Variants in PRTG observed in about 807,000 individuals in gnomAD.
PRTG encodes immunoglobulin superfamily, DCC subclass, member 5.
Under a neutral mutation model 122.5 loss-of-function variants are expected in PRTG, and 67 were observed. The ratio of observed to expected loss-of-function variants is 0.55; its 90% CI spans 0.45 to 0.67. The LOEUF is 0.67. PRTG is among the 30% of genes least tolerant of loss of function. PRTG has a pLI of 0.00. For missense variants in PRTG, 1,435 were observed against 1,415.4 expected (o/e 1.01, Z -0.22); for synonymous variants, 554 against 501.1 (o/e 1.11, Z -1.41).
chr15:55,673,307 G>T, intron 10 of PRTG, 64 bp downstream of exon 10: 1 of 1,112,928 alleles, frequency 9.0e-7, no homozygotes, highest in Non-Finnish European at 1.3e-6. Context: ...ACATAATTTA[G>T]AGAAGAAAAA....
chr15:55,710,682 A>G, intron 2 of PRTG, among the ~76,000 whole-genome samples: 1 of 151,466 alleles, frequency 6.6e-6, no homozygotes, highest in Non-Finnish European at 1.5e-5. Context: ...TACCTCTAAA[A>G]GCCTTCTCTA....
At chr15:55,636,588 G>C (rs1379056874) in intron 15 of PRTG, among the ~76,000 whole-genome samples, 5 of 151,844 alleles carry the variant, frequency 3.3e-5, no homozygotes, top group Admixed American at 3.3e-4. Flanking sequence ...GACGACTACG[G>C]TAATTTCCTA....
intron 4 of PRTG, 40 bp downstream of exon 4, chr15:55,682,324 T>A: frequency 2.0e-6 from 3 of 1,486,168 alleles, no homozygotes; most frequent in Non-Finnish European, 9.0e-7. Context: ...ACTGCGCCAA[T>A]AAAACGTCAT....
intron 18 of PRTG, among the ~76,000 whole-genome samples, chr15:55,621,782 A>C (rs1016833423): frequency 3.3e-5 from 5 of 152,226 alleles, no homozygotes; most frequent in South Asian, 2.1e-4. Flanking sequence ...AAAACACATT[A>C]AGATACATAT....
At chr15:55,675,483 T>C (rs746140950) in intron 9 of PRTG, 36 bp downstream of exon 9, 14 of 1,444,900 alleles carry the variant, frequency 9.7e-6, no homozygotes, top group Non-Finnish European at 3.8e-6. Flanking sequence ...CATACGAATG[T>C]TCATACTGAA....
chr15:55,647,913 A>G (rs1207397091), intron 11 of PRTG, among the ~76,000 whole-genome samples: 1 of 152,178 alleles, frequency 6.6e-6, no homozygotes, highest in African/African-American at 2.4e-5. Flanking sequence ...AAGGTTCCCA[A>G]GTGTGTGTTG....
rs192081728 is a variant in PRTG, at chr15:55,676,401, T to C, written c.1382-718A>G. Among the ~76,000 whole-genome samples, 70 of 152,252 alleles carry C rather than the reference T, an allele frequency of 4.6e-4. 1 individual carries two copies. In the East Asian group the frequency reaches 6.0e-3, roughly 13 times the overall value. ...AAACCTGTAAAGTGGAACAAGAGCA[T>C]TGGCAGCCACTGTGCTTTGCTAACA... On this transcript the variant is annotated intron_variant, in intron 8 of 19. Transcript: ENST00000389286.
At chr15:55,658,313 T>C (rs6493804) in intron 11 of PRTG, among the ~76,000 whole-genome samples, 1 of 151,536 alleles carries the variant, frequency 6.6e-6, no homozygotes, top group Non-Finnish European at 1.5e-5. Context: ...CATTATTGTT[T>C]TTATTTTTTT....
rs2059125551 is a variant in PRTG at position 55,612,697 on chromosome 15, A to ATATATATATATATATATATAT, written c.*7314_*7315insATATATATATATATATATATA. ...TTCTCTCTTTAACTCTTTAAAAGCC[A>ATATATATATATATATATATAT]ATATATATATATATATATATATATA... On this transcript the variant is annotated 3_prime_UTR_variant, in exon 20 of 20. Transcript: ENST00000389286. 1 of 120,748 alleles carries ATATATATATATATATATATAT rather than the reference A, an allele frequency of 8.3e-6. No individual in the cohort carries two copies. The allele number at this position is 120,748 out of a possible 1,614,324, so 7.5% of individuals were successfully genotyped here. A position where few individuals can be genotyped will look rare whatever the true frequency, so the allele number is the denominator to read the frequency against.
At chr15:55,726,050 TCTC>T (rs1198065602) in intron 2 of PRTG, among the ~76,000 whole-genome samples, 1 of 152,110 alleles carries the variant, frequency 6.6e-6, no homozygotes, top group African/African-American at 2.4e-5. Context: ...TTCAAGCAAT[TCTC>T]CTGCCTCAGC....
intron 2 of PRTG, among the ~76,000 whole-genome samples, chr15:55,733,738 A>T (rs150889028): frequency 5.5e-4 from 83 of 152,078 alleles, no homozygotes; most frequent in African/African-American, 1.9e-3. Flanking sequence ...GAAGAGGGAA[A>T]ATCACTTGAG....
rs1158461653 is a variant in PRTG at position 55,613,747 on chromosome 15, G to T, written c.*6265C>A. The T allele has an allele frequency of 6.7e-6, 1 of 148,176 alleles. No homozygotes were observed. The highest frequency in any genetic ancestry group is 2.5e-5 in the African/African-American group (1 of 40,620). The allele number at this position is 148,176 out of a possible 1,614,324, so 9.2% of individuals were successfully genotyped here. On this transcript the variant is annotated 3_prime_UTR_variant, in exon 20 of 20. Coordinates refer to ENST00000389286, the MANE Select transcript of PRTG (RefSeq NM_173814.6). The stretch of plus-strand genomic sequence containing the variant: ...ACTATGGAAGGCACTATGACCCTGG[G>T]TGATTAAATACCTTTTTTTTTTTTT...
intron 10 of PRTG, among the ~76,000 whole-genome samples, chr15:55,672,905 T>G (rs1317020992): frequency 6.6e-6 from 1 of 152,176 alleles, no homozygotes; most frequent in African/African-American, 2.4e-5. Context: ...AAATACTTTC[T>G]AATTTTGGCC....
chr15:55,684,704 T>TG (rs35156574), intron 2 of PRTG, among the ~76,000 whole-genome samples: 144,938 of 152,144 alleles, frequency 0.95, 69,432 homozygotes, highest in Non-Finnish European at 1. Flanking sequence ...GTGGTGGCAG[T>TG]GGAATGGGGA....
At chr15:55,680,910 C>T (rs1251987345) in intron 4 of PRTG, among the ~76,000 whole-genome samples, 1 of 152,138 alleles carries the variant, frequency 6.6e-6, no homozygotes, top group Non-Finnish European at 1.5e-5. Flanking sequence ...ATCTCTTCTT[C>T]TCTCCACAGC....
chr15:55,705,877 A>T, intron 2 of PRTG, among the ~76,000 whole-genome samples: 2 of 138,584 alleles, frequency 1.4e-5, no homozygotes, highest in Non-Finnish European at 1.6e-5. Context: ...TTTTTCTGAG[A>T]AGGAGTCTCA....
At chr15:55,638,927 G>C (rs1426348553) in intron 13 of PRTG, among the ~76,000 whole-genome samples, 1 of 151,714 alleles carries the variant, frequency 6.6e-6, no homozygotes, top group Non-Finnish European at 1.5e-5. Context: ...CAATACAAAG[G>C]GATTTCCTCT....
chr15:55,641,038 CTG>C (rs1449859880), intron 12 of PRTG, 73 bp downstream of exon 12: 1 of 990,994 alleles, frequency 1.0e-6, no homozygotes, highest in African/African-American at 1.6e-5. Flanking sequence ...AGTAGTGAGA[CTG>C]TAACTTAAAG....
At chr15:55,724,557 C>T (rs1267609655) in intron 2 of PRTG, among the ~76,000 whole-genome samples, 1 of 151,928 alleles carries the variant, frequency 6.6e-6, no homozygotes, top group Non-Finnish European at 1.5e-5. Context: ...TTGAGACCAG[C>T]CTGGCCAACA....
Sources: gnomAD v4.1 joint callset for allele counts (sites outside exome capture counted in the v4.1 genomes callset) on GRCh38, gnomAD v4.1.1 for gene constraint, MANE v1.5 for transcripts, NCBI Gene and HGNC (gene_info 2026-07-23, HGNC 2026-07-21) for gene names.